NAALADL2: variants seen among roughly 807,000 people sequenced by gnomAD.
NAALADL2 encodes inactive N-acetylated-alpha-linked acidic dipeptidase-like protein 2.
NAALADL2 carries 76 observed loss-of-function variants against 87.2 expected under a neutral mutation model. The ratio of observed to expected loss-of-function variants is 0.87; its 90% CI spans 0.72 to 1.05. The LOEUF is 1.05. Ranked by LOEUF, NAALADL2 falls within the 50% of genes least tolerant of loss-of-function variation. The pLI is 0.00. For synonymous variants in NAALADL2, 354 were observed against 331.0 expected (o/e 1.07, Z -0.75); for missense variants, 1,089 against 945.8 (o/e 1.15, Z -1.99).
At chr3:174,448,577 AGAT>A (rs1290420583) in intron 1 of NAALADL2, among the ~76,000 whole-genome samples, 1 of 152,204 alleles carries the variant, frequency 6.6e-6, no homozygotes, top group Non-Finnish European at 1.5e-5. Context: ...GGTTCAGTCT[AGAT>A]TCTATTGCTC....
At chr3:175,207,762 T>G (rs1560166217) in intron 2 of NAALADL2, among the ~76,000 whole-genome samples, 1 of 152,140 alleles carries the variant, frequency 6.6e-6, no homozygotes, top group Non-Finnish European at 1.5e-5. Flanking sequence ...ATGTTTAAAG[T>G]GTTTAAACAT....
rs545194937 is a variant in NAALADL2 at position 175,780,063 on chromosome 3, T to C, written c.2190-22942T>C. ...GTGGGCAGATCACGAGGTCAGTAGA[T>C]CGAGACCATCCTGGTTAACACGGTG... On this transcript the variant is annotated intron_variant, in intron 13 of 13. Transcript: ENST00000454872. Among the ~76,000 whole-genome samples, 12 of 151,318 alleles carry C rather than the reference T, an allele frequency of 7.9e-5. No homozygotes were observed. The South Asian group carries it at 1.3e-3, about 16-fold the overall frequency.
intron 3 of NAALADL2, among the ~76,000 whole-genome samples, chr3:174,773,376 T>C (rs1221073777): frequency 6.6e-6 from 1 of 152,070 alleles, no homozygotes; most frequent in Non-Finnish European, 1.5e-5. Flanking sequence ...AGACAGACAA[T>C]GGAGTGATCT....
chr3:175,305,270 G>C (rs551457027), intron 4 of NAALADL2, among the ~76,000 whole-genome samples: 306 of 137,910 alleles, frequency 2.2e-3, no homozygotes, highest in African/African-American at 7.9e-3. Flanking sequence ...GTGTGTGTGT[G>C]TATGTGTATG....
chr3:174,577,712 C>G (rs1438206870), intron 2 of NAALADL2, among the ~76,000 whole-genome samples: 1 of 151,940 alleles, frequency 6.6e-6, no homozygotes, highest in Admixed American at 6.6e-5. Flanking sequence ...CAGGTATCCT[C>G]CACAATTTAG....
intron 1 of NAALADL2, among the ~76,000 whole-genome samples, chr3:174,505,345 T>C (rs943805986): frequency 1.3e-5 from 2 of 152,200 alleles, no homozygotes; most frequent in Non-Finnish European, 2.9e-5. Flanking sequence ...AATTTAACAT[T>C]GCTTCATCCA....
intron 9 of NAALADL2, among the ~76,000 whole-genome samples, chr3:175,515,937 A>G (rs1731779577): frequency 6.6e-6 from 1 of 152,242 alleles, no homozygotes; most frequent in African/African-American, 2.4e-5. Context: ...ATGCGGCTCT[A>G]ATGAACATCT....
At chr3:174,711,394 G>C (rs886117567) in intron 2 of NAALADL2, among the ~76,000 whole-genome samples, 1 of 152,118 alleles carries the variant, frequency 6.6e-6, no homozygotes, top group Non-Finnish European at 1.5e-5. Context: ...GAGCCTGTTT[G>C]TATTTACTAA....
chr3:175,231,120 A>G (rs1030477517), intron 2 of NAALADL2, among the ~76,000 whole-genome samples: 1 of 152,070 alleles, frequency 6.6e-6, no homozygotes, highest in African/African-American at 2.4e-5. Context: ...TTGTAAAAGT[A>G]AAAACACTTA....
intron 9 of NAALADL2, among the ~76,000 whole-genome samples, chr3:175,558,120 G>T (rs1211917105): frequency 6.7e-6 from 1 of 148,336 alleles, no homozygotes; most frequent in African/African-American, 2.5e-5. Context: ...GCGTGAACCC[G>T]GGAGGCGGAG....
At chr3:174,684,127 A>C (rs1460463909) in intron 2 of NAALADL2, among the ~76,000 whole-genome samples, 1 of 152,020 alleles carries the variant, frequency 6.6e-6, no homozygotes, top group East Asian at 1.9e-4. Context: ...ACTTCCTTGT[A>C]TATACTAGAT....
intron 3 of NAALADL2, among the ~76,000 whole-genome samples, chr3:175,242,716 A>T (rs1445293121): frequency 6.6e-6 from 1 of 152,246 alleles, no homozygotes; most frequent in Non-Finnish European, 1.5e-5. Context: ...TTCAACTTTC[A>T]GCAAATACAT....
In NAALADL2 at chr3:174,945,940, G is replaced by T. The variant is rs1488867363; in HGVS notation, c.43+86490G>T. On this transcript the variant is annotated intron_variant, in intron 1 of 13. Coordinates refer to ENST00000454872, the MANE Select transcript of NAALADL2 (RefSeq NM_207015.3). The stretch of plus-strand genomic sequence containing the variant: ...ATGCACCTGCGGTCCCAGCTGATTG[G>T]GAGGCTGAGGCAGGAGAATCACTTG... Among the ~76,000 whole-genome samples, 4 of 151,174 alleles carry T rather than the reference G, an allele frequency of 2.6e-5. No individual in the cohort carries two copies. In the East Asian group the frequency reaches 7.8e-4, roughly 30 times the overall value.
At chr3:174,680,552 A>T (rs1057214439) in intron 2 of NAALADL2, among the ~76,000 whole-genome samples, 1 of 152,182 alleles carries the variant, frequency 6.6e-6, no homozygotes, top group Admixed American at 6.5e-5. Context: ...TCTTGATTTT[A>T]TCCAAAGAAT....
rs3067029 is a variant in NAALADL2, at chr3:175,216,668, C to CTTTTTTTTT, written c.546-17253_546-17245dup. 6.6e-3 allele frequency among the ~76,000 whole-genome samples: 572 copies of CTTTTTTTTT among 87,264 alleles called. 2 individuals are homozygous for CTTTTTTTTT. The highest frequency in any genetic ancestry group is 9.2e-3 in the Non-Finnish European group (371 of 40,246). The allele number at this position is 87,264 out of a possible 152,430, so 57.2% of individuals were successfully genotyped here. A position where few individuals can be genotyped will look rare whatever the true frequency, so the allele number is the denominator to read the frequency against. ...AATTTTTTTTCTTTTTTTTTCTTTT[C>CTTTTTTTTT]TTTTTTTTTTTTTTTTTTGAGAAGG... On this transcript the variant is annotated intron_variant, in intron 2 of 13. Transcript: ENST00000454872.
At chr3:175,446,960 T>C (rs1035693574) in intron 5 of NAALADL2, among the ~76,000 whole-genome samples, 44 of 152,224 alleles carry the variant, frequency 2.9e-4, no homozygotes, top group Non-Finnish European at 4.1e-4. Context: ...GTCATCATTT[T>C]AGTGGAGTTT....
At chr3:174,966,129 G>T (rs886442689) in intron 1 of NAALADL2, among the ~76,000 whole-genome samples, 2 of 152,050 alleles carry the variant, frequency 1.3e-5, no homozygotes, top group African/African-American at 4.8e-5. Flanking sequence ...TACCCCACTG[G>T]TCTTCCTTTC....
At chr3:175,112,350 T>C (rs1243309439) in intron 2 of NAALADL2, among the ~76,000 whole-genome samples, 1 of 151,660 alleles carries the variant, frequency 6.6e-6, no homozygotes, top group Non-Finnish European at 1.5e-5. Context: ...ATTCCAAGTA[T>C]TTTCCTGAGT....
chr3:174,851,933 C>G (rs1456868960), intron 3 of NAALADL2, among the ~76,000 whole-genome samples: 1 of 152,070 alleles, frequency 6.6e-6, no homozygotes, highest in African/African-American at 2.4e-5. Flanking sequence ...ATATGCAAAT[C>G]AATCATTGTG....
Sources: gnomAD v4.1 joint callset for allele counts (sites outside exome capture counted in the v4.1 genomes callset) on GRCh38, gnomAD v4.1.1 for gene constraint, MANE v1.5 for transcripts, NCBI Gene and HGNC (gene_info 2026-07-23, HGNC 2026-07-21) for gene names.